TIMM22: variants seen among roughly 807,000 people sequenced by gnomAD.
TIMM22 encodes the protein mitochondrial import inner membrane translocase subunit Tim22.
A neutral mutation model predicts 18.3 loss-of-function variants in TIMM22; 12 were observed. The observed-to-expected ratio is 0.65, with a 90% CI of 0.42 to 1.06. The LOEUF (loss-of-function observed/expected upper bound fraction) is 1.06. Ranked by LOEUF, TIMM22 falls within the 50% of genes least tolerant of loss-of-function variation. The pLI is 0.00. For synonymous variants in TIMM22, 107 were observed against 98.5 expected, an observed-to-expected ratio of 1.09 and a Z score of -0.51; for missense variants, 278 against 252.8, an observed-to-expected ratio of 1.10 and a Z score of -0.68.
rs1417585298 is a variant in TIMM22, at chr17:997,185, A to C, written c.43A>C (p.Thr15Pro). The change falls in exon 1 of 4, where the codon ACA becomes CCA. Residue 15 changes from threonine (T) to proline (P), a missense_variant. By Grantham distance (38) the Thr-to-Pro change is conservative (BLOSUM62 -1). Coordinates refer to ENST00000327158, the MANE Select transcript of TIMM22 (RefSeq NM_013337.4). ...CAATGCCGGAGGCTCGGCCCCTGAG[A>C]CAGCGGGTTCCGCCGAAGCTCCGCT... The part of the protein sequence containing the change: ...APNAGGSAPE[T>P]AGSAEAPLQY... The C allele has an allele frequency of 1.2e-6, 2 of 1,611,848 alleles. No individual in the cohort carries two copies. Among genetic ancestry groups the C allele is most frequent in the Admixed American group, 3.3e-5 (2 of 59,986 alleles).
At chr17:999,724 A>G (rs1217902856) in intron 3 of TIMM22, 140 bp downstream of exon 3, 1 of 901,792 alleles carries the variant, frequency 1.1e-6, no homozygotes, top group Non-Finnish European at 1.7e-6. Flanking sequence ...TTCTGTGGTA[A>G]CTCGGTTTTG....
At chr17:999,365 T>C (rs984672255) in intron 2 of TIMM22, 147 bp from the exon 3 acceptor site, 9 of 370,054 alleles carry the variant, frequency 2.4e-5, no homozygotes, top group Non-Finnish European at 4.3e-5. Flanking sequence ...ATATACACGC[T>C]GTATACTTAG....
intron 2 of TIMM22, 95 bp from the exon 3 acceptor site, chr17:999,417 G>T: frequency 1.7e-6 from 2 of 1,149,218 alleles, no homozygotes; most frequent in South Asian, 3.1e-5. Flanking sequence ...TTTGGGTAGG[G>T]ACTGAATGAG....
intron 1 of TIMM22, 138 bp downstream of exon 1, chr17:997,518 C>A (rs966677198): frequency 1.1e-5 from 9 of 806,106 alleles, no homozygotes; most frequent in Non-Finnish European, 1.7e-5. Flanking sequence ...GTTCGTGAAT[C>A]GGGCGTCACC....
At chr17:1,000,258 C>T (rs1408574863) in intron 3 of TIMM22, among the ~76,000 whole-genome samples, 1 of 151,222 alleles carries the variant, frequency 6.6e-6, no homozygotes, top group Non-Finnish European at 1.5e-5. Flanking sequence ...ATCTTTCTGC[C>T]CTTGGGGATT....
intron 3 of TIMM22, among the ~76,000 whole-genome samples, 192 bp from the exon 4 acceptor site, chr17:1,000,820 T>C (rs2069736679): frequency 6.6e-6 from 1 of 152,216 alleles, no homozygotes; most frequent in African/African-American, 2.4e-5. Flanking sequence ...GCTAAACAAA[T>C]GTAGTTAGAT....
chr17:999,455 T>G, intron 2 of TIMM22, 57 bp from the exon 3 acceptor site: 2 of 1,590,848 alleles, frequency 1.3e-6, no homozygotes, highest in South Asian at 2.2e-5. Flanking sequence ...GTATTCCTCC[T>G]TAATGGTCTG....
chr17:998,744 G>A lies in TIMM22; in HGVS notation c.239-35G>A, dbSNP rs753707020. Reference sequence around the variant, plus strand: ...CCCAATAGAGTAATGCAGAAAACATGCCAAAGACACCTTCATCTCTGTGTT... The same window carrying A: ...CCCAATAGAGTAATGCAGAAAACATACCAAAGACACCTTCATCTCTGTGTT... On this transcript the variant is annotated intron_variant, in intron 1 of 3. Coordinates refer to ENST00000327158, the MANE Select transcript of TIMM22 (RefSeq NM_013337.4). The A allele has an allele frequency of 3.8e-6, 6 of 1,599,824 alleles. No homozygotes were observed. The Admixed American group carries it at 5.1e-5, about 14-fold the overall frequency.
chr17:1,001,125 G>A lies in TIMM22; in HGVS notation c.*37G>A, dbSNP rs193292443. 121 of 1,608,310 alleles carry A rather than the reference G, an allele frequency of 7.5e-5. 2 individuals carry two copies. The East Asian group carries it at 1.4e-3, about 18-fold the overall frequency. On this transcript the variant is annotated 3_prime_UTR_variant, in exon 4 of 4. Transcript: ENST00000327158. ...TGCAGGGAAGGATGATGCCAGCCCC[G>A]GATCCGGGCTGCTCTCTGGAGGACA... is the stretch of plus-strand genomic sequence containing the variant.
chr17:999,719 T>C (rs1422632719), intron 3 of TIMM22, 135 bp downstream of exon 3: 10 of 927,508 alleles, frequency 1.1e-5, no homozygotes, highest in Admixed American at 7.4e-5. Context: ...TTTGTTTCTG[T>C]GGTAACTCGG....
At position 1,002,891 on chromosome 17, in the gene TIMM22, C is replaced by T. The variant is rs1250132934; in HGVS notation, c.*1803C>T. The T allele has an allele frequency of 6.6e-6, 1 of 152,180 alleles. No homozygotes were observed. The highest frequency in any genetic ancestry group is 2.4e-5 in the African/African-American group (1 of 41,448). 9.4% of individuals were successfully genotyped at this position (152,180 alleles called of 1,614,324 possible). A position where few individuals can be genotyped will look rare whatever the true frequency, so the allele number is the denominator to read the frequency against. ...GGTTCAGTAAGCGAGGCATTGTCCA[C>T]GCTGCCTATTCACTCGAGAGATGAA... On this transcript the variant is annotated 3_prime_UTR_variant, in exon 4 of 4. Coordinates refer to ENST00000327158, the MANE Select transcript of TIMM22 (RefSeq NM_013337.4).
intron 3 of TIMM22, among the ~76,000 whole-genome samples, chr17:999,953 G>A (rs1246121320): frequency 1.3e-5 from 2 of 152,000 alleles, no homozygotes; most frequent in Non-Finnish European, 2.9e-5. Flanking sequence ...AGGCTGGAGT[G>A]CAGTGGCACG....
chr17:999,358 T>TATATATATATATATATATATATACAC (rs1408779709), intron 2 of TIMM22, among the ~76,000 whole-genome samples, 154 bp from the exon 3 acceptor site: 3 of 132,604 alleles, frequency 2.3e-5, no homozygotes, highest in Admixed American at 7.4e-5. Context: ...TATATATATA[T>TATATATATATATATATATATATACAC]ACACGCTGTA....
chr17:999,011 G>T, intron 2 of TIMM22, 36 bp downstream of exon 2: 1 of 1,567,830 alleles, frequency 6.4e-7, no homozygotes. Context: ...TCCTTGCTGG[G>T]GCCACCATTT....
chr17:997,334 G>A lies in TIMM22; in HGVS notation c.192G>A (p.Lys64=), dbSNP rs375099370. The A allele has an allele frequency of 1.2e-6, 2 of 1,613,776 alleles. No individual in the cohort carries two copies. Among genetic ancestry groups the A allele is most frequent in the African/African-American group, 1.3e-5 (1 of 74,936 alleles). The stretch of plus-strand genomic sequence containing the variant: ...GTGAGGAGCAGAAGATGATCGAGAA[G>A]GCGATGGAAAGCTGCGCTTTCAAGG... ...AKSEEQKMIE[K]AMESCAFKAA... Residue 64 remains lysine (K), a synonymous_variant, in exon 1 of 4, where the codon AAG becomes AAA. Coordinates refer to ENST00000327158, the MANE Select transcript of TIMM22 (RefSeq NM_013337.4).
chr17:1,000,515 G>A (rs1268596436), intron 3 of TIMM22, among the ~76,000 whole-genome samples: 1 of 152,072 alleles, frequency 6.6e-6, no homozygotes, highest in Non-Finnish European at 1.5e-5. Context: ...CTCATCTTCT[G>A]AGAGACAGGA....
At chr17:1,000,708 C>G (rs1298160332) in intron 3 of TIMM22, among the ~76,000 whole-genome samples, 1 of 152,196 alleles carries the variant, frequency 6.6e-6, no homozygotes, top group Non-Finnish European at 1.5e-5. Flanking sequence ...AGGGTCAAGG[C>G]CATATGCTTT....
At chr17:998,279 G>C (rs892077372) in intron 1 of TIMM22, among the ~76,000 whole-genome samples, 1 of 152,202 alleles carries the variant, frequency 6.6e-6, no homozygotes, top group Non-Finnish European at 1.5e-5. Context: ...TGTGGGATTT[G>C]CCATTAGGTA....
rs774479973 is a variant in TIMM22, at chr17:997,148, G to T, written c.6G>T (p.Ala2=). 1 of 1,608,852 alleles carries T rather than the reference G, an allele frequency of 6.2e-7. No homozygotes were observed. The change falls in exon 1 of 4, where the codon GCG becomes GCT. Residue 2 remains alanine, a synonymous_variant. Transcript: ENST00000327158. ...TTGCTTGGGCAGCGACTGTCATGGC[G>T]GCGGCCGCCCCCAATGCCGGAGGCT... M[A]AAAPNAGGSA...
Sources: allele counts gnomAD v4.1 joint callset (sites outside exome capture counted in the v4.1 genomes callset), GRCh38; gene constraint gnomAD v4.1.1; transcripts MANE v1.5; gene names NCBI Gene and HGNC (gene_info 2026-07-23, HGNC 2026-07-21).